The following RIMS2 variants were observed in gnomAD, a reference collection of about 807,000 sequenced individuals.
RIMS2 encodes regulating synaptic membrane exocytosis protein 2.
Under a neutral mutation model 174.4 loss-of-function variants are expected in RIMS2, and 59 were observed. The observed-to-expected ratio is 0.34, with a 90% CI of 0.27 to 0.42. The LOEUF is 0.42. RIMS2 is among the 10% of genes least tolerant of loss of function. The pLI, the probability that RIMS2 is intolerant of heterozygous loss-of-function variation, is 1.00. For missense variants in RIMS2, 1,620 were observed against 1,666.3 expected, an observed-to-expected ratio of 0.97 and a Z score of 0.48; for synonymous variants, 606 against 572.5, an observed-to-expected ratio of 1.06 and a Z score of -0.84.
intron 2 of RIMS2, among the ~76,000 whole-genome samples, chr8:103,751,816 T>A (rs938902267): frequency 1.3e-5 from 2 of 151,566 alleles, no homozygotes; most frequent in Non-Finnish European, 2.9e-5. Flanking sequence ...CTTGTAAATT[T>A]GTTTGAGTTC....
At chr8:104,070,557 T>G (rs752154038) in intron 19 of RIMS2, among the ~76,000 whole-genome samples, 6 of 152,234 alleles carry the variant, frequency 3.9e-5, no homozygotes, top group African/African-American at 7.2e-5. Context: ...GTTTTGTATT[T>G]CTGCCTACAA....
chr8:104,034,595 A>C (rs2154556731), intron 19 of RIMS2, among the ~76,000 whole-genome samples: 1 of 150,450 alleles, frequency 6.6e-6, no homozygotes, highest in South Asian at 2.1e-4. Flanking sequence ...TCAGCCTACC[A>C]AGTAGCTGGG....
intron 1 of RIMS2, 141 bp downstream of exon 1, chr8:103,501,203 C>T (rs2130711239): frequency 4.0e-6 from 2 of 494,706 alleles, no homozygotes; most frequent in East Asian, 3.9e-5. Context: ...CGGCCAGCGC[C>T]GGCCGCCCGG....
intron 17 of RIMS2, chr8:103,998,205 G>T (rs760280243): frequency 1.2e-6 from 2 of 1,605,392 alleles, no homozygotes; most frequent in Non-Finnish European, 1.7e-6. Flanking sequence ...ACTCTACCTC[G>T]CTCCAGATAC....
intron 1 of RIMS2, among the ~76,000 whole-genome samples, chr8:103,536,457 A>G (rs868189137): frequency 3.3e-5 from 5 of 152,248 alleles, no homozygotes; most frequent in Middle Eastern, 3.4e-3. Flanking sequence ...CATTGCTGTA[A>G]AGGAATACCT....
chr8:104,098,180 A>C (rs1381751510), intron 19 of RIMS2, among the ~76,000 whole-genome samples: 1 of 152,102 alleles, frequency 6.6e-6, no homozygotes, highest in Admixed American at 6.6e-5. Flanking sequence ...TGAATATAAT[A>C]TTTTTCCTAA....
At chr8:103,765,914 C>G (rs2098165587) in intron 2 of RIMS2, among the ~76,000 whole-genome samples, 1 of 151,858 alleles carries the variant, frequency 6.6e-6, no homozygotes, top group Non-Finnish European at 1.5e-5. Flanking sequence ...GTTTCAAAAT[C>G]TATTTTCTGT....
At chr8:104,239,324 A>C (rs758056359) in intron 19 of RIMS2, among the ~76,000 whole-genome samples, 28 of 152,210 alleles carry the variant, frequency 1.8e-4, no homozygotes, top group Non-Finnish European at 1.6e-4. Context: ...GCAGGGCAGA[A>C]TAACGAGGAC....
intron 2 of RIMS2, among the ~76,000 whole-genome samples, chr8:103,721,578 G>A (rs924089058): frequency 5.3e-5 from 8 of 152,134 alleles, no homozygotes; most frequent in African/African-American, 1.9e-4. Flanking sequence ...AGATGACAAA[G>A]CATATTTATA....
At chr8:103,939,639 A>C (rs1404209655) in intron 13 of RIMS2, among the ~76,000 whole-genome samples, 1 of 152,236 alleles carries the variant, frequency 6.6e-6, no homozygotes, top group Non-Finnish European at 1.5e-5. Flanking sequence ...TCCTCAGAAA[A>C]TGGGATTTTC....
intron 19 of RIMS2, among the ~76,000 whole-genome samples, chr8:104,184,101 C>G (rs2098955660): frequency 1.3e-5 from 2 of 151,602 alleles, no homozygotes; most frequent in Admixed American, 1.3e-4. Context: ...AATGTGCTAT[C>G]TATGTCATAA....
chr8:103,782,706 A>G (rs773703652), intron 3 of RIMS2, among the ~76,000 whole-genome samples: 6 of 152,166 alleles, frequency 3.9e-5, no homozygotes, highest in African/African-American at 7.2e-5. Context: ...ATGTTACTGC[A>G]TTATAGTTCT....
At chr8:103,598,610 C>G (rs1275158016) in intron 1 of RIMS2, among the ~76,000 whole-genome samples, 5 of 152,174 alleles carry the variant, frequency 3.3e-5, no homozygotes, top group African/African-American at 4.8e-5. Context: ...AACCTTACCT[C>G]TATACTCTGT....
chr8:103,900,383 C>T (rs1298749838), intron 4 of RIMS2, among the ~76,000 whole-genome samples: 1 of 148,854 alleles, frequency 6.7e-6, no homozygotes, highest in Non-Finnish European at 1.5e-5. Flanking sequence ...ACCACCACGC[C>T]CAGCTAATTT....
chr8:103,921,028 A>G (rs1205526565), intron 9 of RIMS2: 1 of 230,234 alleles, frequency 4.3e-6, no homozygotes, highest in African/African-American at 2.4e-5. Context: ...CAACAACAAC[A>G]ACAACAACAA....
chr8:104,188,382 GT>G (rs1398221243), intron 19 of RIMS2, among the ~76,000 whole-genome samples: 1 of 151,202 alleles, frequency 6.6e-6, no homozygotes, highest in Admixed American at 6.6e-5. Context: ...TTTCAATATT[GT>G]TTTTCTTTGA....
chr8:103,907,771 G>A (rs1224447486), intron 4 of RIMS2, among the ~76,000 whole-genome samples: 2 of 148,304 alleles, frequency 1.3e-5, no homozygotes, highest in South Asian at 2.1e-4. Flanking sequence ...TTTTTGAGAC[G>A]GAGTCGCTCT....
At chr8:104,218,543 A>G (rs1369420594) in intron 19 of RIMS2, among the ~76,000 whole-genome samples, 6 of 152,198 alleles carry the variant, frequency 3.9e-5, no homozygotes, top group African/African-American at 1.4e-4. Context: ...ATTGTTGTAT[A>G]TAATGAAATA....
Position 103,899,429 on chromosome 8 carries a change from A to T in RIMS2, c.1625-10705A>T, listed in dbSNP as rs184426834. Among the ~76,000 whole-genome samples the T allele has an allele frequency of 5.0e-3, 761 of 151,804 alleles. 28 individuals carry two copies. The highest frequency in any genetic ancestry group is 0.018 in the African/African-American group (736 of 41,114). ...TGATCGCCATTCTAACTGGCATGAG[A>T]TGGTATCTCATTGTGGTTTTGATTT... is the stretch of plus-strand genomic sequence containing the variant. On this transcript the variant is annotated intron_variant, in intron 4 of 23. Transcript: ENST00000504942.
Sources: gnomAD v4.1 joint callset for allele counts (sites outside exome capture counted in the v4.1 genomes callset) on GRCh38, gnomAD v4.1.1 for gene constraint, MANE v1.5 for transcripts, NCBI Gene and HGNC (gene_info 2026-07-23, HGNC 2026-07-21) for gene names.